The following MYO1E variants were observed in gnomAD, a reference collection of about 807,000 sequenced individuals.
MYO1E encodes myosin IE, also known as unconventional myosin-Ie.
MYO1E carries 68 observed loss-of-function variants against 151.1 expected under a neutral mutation model. The ratio of observed to expected loss-of-function variants is 0.45; its 90% CI spans 0.37 to 0.55. MYO1E has a LOEUF of 0.55. MYO1E is among the 20% of genes least tolerant of loss of function. The probability of loss-of-function intolerance (pLI) is 0.00; values close to 1 mark genes in which losing one functional copy is unlikely to be tolerated. For missense variants in MYO1E, 1,363 were observed against 1,389.3 expected (o/e 0.98, Z 0.30); for synonymous variants, 601 against 501.7 (o/e 1.20, Z -2.64).
In MYO1E at chr15:59,206,997, G is replaced by A. The variant is rs763906531; in HGVS notation, c.1531-1512C>T. The A allele has an allele frequency of 7.4e-6, 12 of 1,613,840 alleles. No homozygotes were observed. In the South Asian group the frequency reaches 1.1e-4, roughly 15 times the overall value. The stretch of plus-strand genomic sequence containing the variant: ...GCCAGAGAGTGAGCTCGGTGGGAGC[G>A]AATTTCCTATGCCTGGGGATGGCCC... On this transcript the variant is annotated intron_variant, in intron 14 of 27. Transcript: ENST00000288235.
At chr15:59,215,610 G>T (rs1392960516) in intron 10 of MYO1E, among the ~76,000 whole-genome samples, 1 of 152,124 alleles carries the variant, frequency 6.6e-6, no homozygotes, top group Non-Finnish European at 1.5e-5. Flanking sequence ...ATGAATACCT[G>T]GACGAATTCT....
chr15:59,209,292 T>A (rs1296487763), intron 13 of MYO1E, among the ~76,000 whole-genome samples: 1 of 152,252 alleles, frequency 6.6e-6, no homozygotes, highest in African/African-American at 2.4e-5. Flanking sequence ...TAGCACTATT[T>A]TATAAGCATT....
intron 19 of MYO1E, among the ~76,000 whole-genome samples, chr15:59,176,151 T>C (rs915350633): frequency 1.3e-5 from 2 of 152,112 alleles, no homozygotes; most frequent in Non-Finnish European, 2.9e-5. Flanking sequence ...CTCTGCCTCC[T>C]GGGTTCACGC....
chr15:59,260,163 A>G (rs1164654950), intron 3 of MYO1E, among the ~76,000 whole-genome samples: 1 of 152,226 alleles, frequency 6.6e-6, no homozygotes, highest in Non-Finnish European at 1.5e-5. Flanking sequence ...CCTTTTCAGA[A>G]AACTGGAGAG....
intron 17 of MYO1E, among the ~76,000 whole-genome samples, chr15:59,194,907 T>A (rs545836480): frequency 6.6e-6 from 1 of 152,364 alleles, no homozygotes; most frequent in East Asian, 1.9e-4. Context: ...TGAATTCTTG[T>A]GCTCTGCATT....
intron 5 of MYO1E, among the ~76,000 whole-genome samples, chr15:59,233,519 C>A (rs2080041118): frequency 6.6e-6 from 1 of 152,004 alleles, no homozygotes; most frequent in Non-Finnish European, 1.5e-5. Flanking sequence ...CAAAAATTAG[C>A]TGGGCATAGT....
chr15:59,177,689 G>C (rs1350311264), intron 19 of MYO1E, among the ~76,000 whole-genome samples: 1 of 152,190 alleles, frequency 6.6e-6, no homozygotes, highest in East Asian at 1.9e-4. Flanking sequence ...CATTCATGGG[G>C]CTCACTGACC....
chr15:59,322,527 G>C (rs1341420840), intron 1 of MYO1E, among the ~76,000 whole-genome samples: 1 of 152,198 alleles, frequency 6.6e-6, no homozygotes. Flanking sequence ...CAGATCATAT[G>C]AGTGTTTAGT....
intron 16 of MYO1E, among the ~76,000 whole-genome samples, chr15:59,200,683 T>A (rs1223646845): frequency 1.3e-5 from 2 of 152,150 alleles, no homozygotes; most frequent in Non-Finnish European, 2.9e-5. Flanking sequence ...AAGGGGCTAA[T>A]GGGAAAGAAT....
At chr15:59,342,008 TCC>T (rs2080768525) in intron 1 of MYO1E, among the ~76,000 whole-genome samples, 2 of 152,326 alleles carry the variant, frequency 1.3e-5, no homozygotes, top group South Asian at 4.1e-4. Flanking sequence ...AGTTCCCTTT[TCC>T]CCTTTTCTTC....
intron 1 of MYO1E, among the ~76,000 whole-genome samples, chr15:59,282,910 G>A (rs1469669383): frequency 8.5e-3 from 1 of 118 alleles, no homozygotes; most frequent in Non-Finnish European, 0.024. Flanking sequence ...GGGGAGGGGG[G>A]AGGGGGAGGG....
intron 1 of MYO1E, among the ~76,000 whole-genome samples, chr15:59,304,932 T>G (rs1325254264): frequency 6.6e-6 from 1 of 152,240 alleles, no homozygotes; most frequent in Non-Finnish European, 1.5e-5. Flanking sequence ...TGGCTTTGCT[T>G]TGTCTCTATT....
chr15:59,205,922 T>G, intron 14 of MYO1E, among the ~76,000 whole-genome samples: 1 of 152,214 alleles, frequency 6.6e-6, no homozygotes. Context: ...CCATGTCATC[T>G]GAGGCTTTGC....
intron 1 of MYO1E, among the ~76,000 whole-genome samples, chr15:59,275,729 G>C (rs2080314407): frequency 6.6e-6 from 1 of 152,190 alleles, no homozygotes; most frequent in African/African-American, 2.4e-5. Flanking sequence ...AGATCGTCAA[G>C]GACAAGGTGG....
intron 26 of MYO1E, among the ~76,000 whole-genome samples, chr15:59,145,043 A>C (rs2079433527): frequency 6.6e-6 from 1 of 152,050 alleles, no homozygotes; most frequent in African/African-American, 2.4e-5. Flanking sequence ...GGGTTTCTCC[A>C]TGTTGGTCAG....
chr15:59,284,443 A>G (rs2080375368), intron 1 of MYO1E, among the ~76,000 whole-genome samples: 1 of 151,862 alleles, frequency 6.6e-6, no homozygotes, highest in Non-Finnish European at 1.5e-5. Flanking sequence ...GATGATTACT[A>G]TTTTATTTTT....
intron 24 of MYO1E, among the ~76,000 whole-genome samples, chr15:59,160,441 C>G (rs2140310315): frequency 6.7e-6 from 1 of 149,910 alleles, no homozygotes; most frequent in South Asian, 2.1e-4. Context: ...TGCTCTGTCA[C>G]CTAGGCTGGG....
At chr15:59,261,634 C>G (rs558876629) in intron 2 of MYO1E, 125 bp from the exon 3 acceptor site, 2 of 694,024 alleles carry the variant, frequency 2.9e-6, no homozygotes, top group Non-Finnish European at 5.2e-6. Flanking sequence ...TACTTGTTTT[C>G]TAAAAGATTA....
At chr15:59,219,845 T>A (rs1346366910) in intron 9 of MYO1E, among the ~76,000 whole-genome samples, 2 of 152,144 alleles carry the variant, frequency 1.3e-5, no homozygotes, top group Non-Finnish European at 2.9e-5. Context: ...CAAGTGGATA[T>A]TTGGAGCACT....
Sources: allele counts gnomAD v4.1 joint callset (sites outside exome capture counted in the v4.1 genomes callset), GRCh38; gene constraint gnomAD v4.1.1; transcripts MANE v1.5; gene names NCBI Gene and HGNC (gene_info 2026-07-23, HGNC 2026-07-21).